Variants in DNAAF5 observed in about 807,000 individuals in gnomAD.
The protein encoded by DNAAF5 is HEAT repeat containing 2.
In DNAAF5, 64 loss-of-function variants were observed where a neutral mutation model predicts 75.8. That is an observed-to-expected ratio of 0.84 (90% confidence interval 0.69 to 1.04). The LOEUF (loss-of-function observed/expected upper bound fraction) is 1.04. Among genes scored for constraint, DNAAF5 ranks in the 50% least tolerant of loss-of-function variants. DNAAF5 has a pLI of 0.00. For missense variants in DNAAF5, 1,269 were observed against 1,178.5 expected, an observed-to-expected ratio of 1.08 and a Z score of -1.12; for synonymous variants, 657 against 557.2, an observed-to-expected ratio of 1.18 and a Z score of -2.52.
At chr7:761,155 T>C (rs928557224) in intron 6 of DNAAF5, among the ~76,000 whole-genome samples, 1 of 152,228 alleles carries the variant, frequency 6.6e-6, no homozygotes, top group Non-Finnish European at 1.5e-5. Context: ...TTTCACAAAA[T>C]AAGCACAGAT....
intron 4 of DNAAF5, among the ~76,000 whole-genome samples, chr7:750,187 C>T (rs185007731): frequency 1.1e-4 from 17 of 152,290 alleles, no homozygotes; most frequent in East Asian, 7.7e-4. Context: ...ACAGTTTCTG[C>T]GTGTTGAGTG....
At position 726,980 on chromosome 7, in the gene DNAAF5, AC is replaced by A; in HGVS notation, c.264del (p.Ala89ProfsTer120). ...CCGCGCTTGCTGCGCTGCCTGAGCG[AC>A]CCCGCCGAGGGCTGCCGCGCGCTGG... ...LLPRLLRCLS[D>X]PAEGCRALAV... On this transcript the variant is annotated frameshift_variant, in exon 1 of 13. Transcript: ENST00000297440. LOFTEE classifies it high-confidence loss of function. The A allele has an allele frequency of 7.7e-7, 1 of 1,290,996 alleles. No homozygotes were observed. The highest frequency in any genetic ancestry group is 9.8e-7 in the Non-Finnish European group (1 of 1,015,250). 80.0% of individuals were successfully genotyped at this position (1,290,996 alleles called of 1,614,324 possible). A position where few individuals can be genotyped will look rare whatever the true frequency, so the allele number is the denominator to read the frequency against.
At chr7:752,416 A>G (rs1782329928) in intron 4 of DNAAF5, among the ~76,000 whole-genome samples, 1 of 147,820 alleles carries the variant, frequency 6.8e-6, no homozygotes, top group Non-Finnish European at 1.5e-5. Flanking sequence ...TCCTCAAAAG[A>G]CTGCAGAGTG....
chr7:768,123 CGGAAG>C (rs1778403026), intron 8 of DNAAF5, among the ~76,000 whole-genome samples: 1 of 98,708 alleles, frequency 1.0e-5, no homozygotes, highest in African/African-American at 4.5e-5. Flanking sequence ...GTGATCTGGG[CGGAAG>C]TGTCCATGCT....
Position 726,880 on chromosome 7 carries a change from C to T in DNAAF5, c.160C>T (p.Arg54Trp), listed in dbSNP as rs1245470608. ...PGRRRALEALRRALEEPGPAA... is the reference protein window; with the variant it reads ...PGRRRALEALWRALEEPGPAA... ...CCGGCGGCGCGCCTTGGAGGCCCTGCGGCGCGCGCTGGAGGAGCCAGGCCC... is the reference window on the plus strand; with the variant it reads ...CCGGCGGCGCGCCTTGGAGGCCCTGTGGCGCGCGCTGGAGGAGCCAGGCCC... The change falls in exon 1 of 13, where the codon CGG becomes TGG. Residue 54 changes from arginine (R) to tryptophan (W), a missense_variant. Physicochemically the swap from Arg to Trp is moderately radical, Grantham distance 101 (BLOSUM62 -3). Transcript: ENST00000297440. The T allele has an allele frequency of 1.5e-6, 2 of 1,327,154 alleles. No homozygotes were observed. The highest frequency in any genetic ancestry group is 1.9e-5 in the South Asian group (1 of 53,088). The allele number at this position is 1,327,154 out of a possible 1,614,324, so 82.2% of individuals were successfully genotyped here.
chr7:745,937 TAG>T (rs1049461653), intron 4 of DNAAF5, among the ~76,000 whole-genome samples: 11 of 152,192 alleles, frequency 7.2e-5, no homozygotes, highest in Non-Finnish European at 1.5e-4. Context: ...TGCCGAGGCG[TAG>T]AGAGTGTCGT....
At chr7:777,696 C>T (rs568499596) in intron 11 of DNAAF5, among the ~76,000 whole-genome samples, 3 of 152,252 alleles carry the variant, frequency 2.0e-5, no homozygotes, top group Non-Finnish European at 4.4e-5. Context: ...TTGCTAATTC[C>T]CGGAAATGAA....
Position 735,591 on chromosome 7 carries a change from G to C in DNAAF5, c.781-5228G>C, listed in dbSNP as rs565637830. Among the ~76,000 whole-genome samples, 3 of 152,280 alleles carry C rather than the reference G, an allele frequency of 2.0e-5. No individual in the cohort carries two copies. The East Asian group carries it at 5.8e-4, about 29-fold the overall frequency. On this transcript the variant is annotated intron_variant, in intron 2 of 12. Coordinates refer to ENST00000297440, the MANE Select transcript of DNAAF5 (RefSeq NM_017802.4). ...CGATGTCATTGCTCACAGTGTAGTT[G>C]CTCACAGTCTCTAATGATGCTTTGA...
chr7:769,162 C>A (rs919588104), intron 8 of DNAAF5: 3 of 774,404 alleles, frequency 3.9e-6, no homozygotes, highest in Non-Finnish European at 4.8e-6. Context: ...CTGGCGGCGC[C>A]AGGGAGAAGG....
At chr7:755,228 G>A (rs1447941877) in intron 5 of DNAAF5, among the ~76,000 whole-genome samples, 7 of 152,272 alleles carry the variant, frequency 4.6e-5, no homozygotes, top group African/African-American at 9.6e-5. Flanking sequence ...GCACCCAGAC[G>A]GGGGATGATG....
chr7:781,377 A>C (rs371262376), intron 12 of DNAAF5, among the ~76,000 whole-genome samples: 101 of 152,278 alleles, frequency 6.6e-4, no homozygotes, highest in East Asian at 6.4e-3. Flanking sequence ...TGGCCGGATA[A>C]TATTCCACTG....
chr7:738,650 T>G (rs1434177423), intron 2 of DNAAF5, among the ~76,000 whole-genome samples: 1 of 152,200 alleles, frequency 6.6e-6, no homozygotes, highest in Non-Finnish European at 1.5e-5. Flanking sequence ...CAGTGCTGTT[T>G]TTGAACTAAA....
intron 9 of DNAAF5, 142 bp downstream of exon 9, chr7:770,760 C>T: frequency 2.6e-6 from 2 of 766,234 alleles, no homozygotes; most frequent in South Asian, 2.1e-5. Flanking sequence ...TCCCCATCTC[C>T]CTCCCCCACA....
intron 4 of DNAAF5, among the ~76,000 whole-genome samples, chr7:752,355 T>C (rs941761153): frequency 1.2e-4 from 17 of 147,562 alleles, no homozygotes; most frequent in Non-Finnish European, 2.1e-4. Context: ...GACCGCAGAG[T>C]GATGACGAAG....
chr7:760,075 C>T (rs536202139), intron 6 of DNAAF5, among the ~76,000 whole-genome samples: 4 of 11,224 alleles, frequency 3.6e-4, no homozygotes, highest in Non-Finnish European at 9.8e-4. Context: ...CGGGGCCGCG[C>T]GGCTCCTCCA....
intron 1 of DNAAF5, 102 bp downstream of exon 1, chr7:727,417 C>G (rs1453021677): frequency 3.6e-5 from 20 of 553,346 alleles, no homozygotes; most frequent in Non-Finnish European, 5.1e-5. Flanking sequence ...GCCCCGCCCC[C>G]CTCCACGCCC....
intron 9 of DNAAF5, among the ~76,000 whole-genome samples, chr7:773,839 A>AC (rs910178715): frequency 1.1e-4 from 17 of 152,030 alleles, no homozygotes; most frequent in Non-Finnish European, 1.9e-4. Flanking sequence ...GGGCACAGGC[A>AC]CCCCTGTCTC....
intron 12 of DNAAF5, among the ~76,000 whole-genome samples, chr7:782,055 C>G (rs770726756): frequency 2.0e-4 from 30 of 152,276 alleles, no homozygotes; most frequent in Admixed American, 5.2e-4. Context: ...ACCTTCCCCG[C>G]GCAGCTGCGT....
At chr7:746,795 C>T (rs1226757694) in intron 4 of DNAAF5, among the ~76,000 whole-genome samples, 1 of 152,200 alleles carries the variant, frequency 6.6e-6, no homozygotes, top group Non-Finnish European at 1.5e-5. Context: ...CCTCTGTCCC[C>T]TGCATGTGGG....
Sources: gnomAD v4.1 joint callset for allele counts (sites outside exome capture counted in the v4.1 genomes callset) on GRCh38, gnomAD v4.1.1 for gene constraint, MANE v1.5 for transcripts, NCBI Gene and HGNC (gene_info 2026-07-23, HGNC 2026-07-21) for gene names.